DAZAP2: variants seen among roughly 807,000 people sequenced by gnomAD.
The protein encoded by DAZAP2 is DAZ associated protein 2, also known as DAZ-associated protein 2.
In DAZAP2, 3 loss-of-function variants were observed where a neutral mutation model predicts 16.2. The ratio of observed to expected loss-of-function variants is 0.19; its 90% CI spans 0.08 to 0.48. The LOEUF (loss-of-function observed/expected upper bound fraction) is 0.48. DAZAP2 is among the 20% of genes least tolerant of loss of function. DAZAP2 has a pLI of 0.98. For synonymous variants in DAZAP2, 69 were observed against 77.6 expected (o/e 0.89, Z 0.58); for missense variants, 172 against 215.9 (o/e 0.80, Z 1.27).
At chr12:51,241,331 T>G (rs1944673358) in intron 3 of DAZAP2, among the ~76,000 whole-genome samples, 1 of 152,162 alleles carries the variant, frequency 6.6e-6, no homozygotes, top group African/African-American at 2.4e-5. Context: ...TTCTTTTGTT[T>G]TCATGTCTGT....
downstream of DAZAP2, chr12:51,245,479 T>TC (rs1944755503): frequency 6.5e-6 from 1 of 154,528 alleles, no homozygotes; most frequent in Admixed American, 6.4e-5. Flanking sequence ...ATCTCCATAG[T>TC]CTCCTACCCC....
At chr12:51,240,585 C>T (rs1280262670) in intron 2 of DAZAP2, 124 bp downstream of exon 2, 9 of 1,036,968 alleles carry the variant, frequency 8.7e-6, no homozygotes, top group Non-Finnish European at 1.1e-5. Flanking sequence ...ATCTAAAACA[C>T]TATATAATTT....
chr12:51,239,251 CG>C, intron 1 of DAZAP2: 1 of 301,374 alleles, frequency 3.3e-6, no homozygotes, highest in Non-Finnish European at 6.2e-6. Flanking sequence ...CCGGCGGAGG[CG>C]GGGCGCCGCG....
chr12:51,240,763 T>G, intron 2 of DAZAP2, 108 bp from the exon 3 acceptor site: 1 of 1,459,024 alleles, frequency 6.9e-7, no homozygotes, highest in South Asian at 1.3e-5. Context: ...TGTATAATCT[T>G]ACAAAAAGTA....
intron 3 of DAZAP2, among the ~76,000 whole-genome samples, chr12:51,241,590 A>G (rs555821928): frequency 1.9e-4 from 29 of 152,212 alleles, no homozygotes; most frequent in Non-Finnish European, 3.5e-4. Context: ...TTAGAGCTCA[A>G]ATGACTGCTC....
chr12:51,245,387 A>G (rs1226423085), downstream of DAZAP2: 1 of 152,752 alleles, frequency 6.5e-6, no homozygotes, highest in East Asian at 1.9e-4. Context: ...TTGAATAAAA[A>G]TCACGTAAGC....
At chr12:51,239,052 AG>A (rs1468838610) in intron 1 of DAZAP2, 132 bp downstream of exon 1, 3 of 1,338,212 alleles carry the variant, frequency 2.2e-6, no homozygotes, top group Non-Finnish European at 3.0e-6. Context: ...GCTGCAGTCC[AG>A]GGCGCTGCGC....
intron 1 of DAZAP2, chr12:51,239,953 C>T (rs1324091928): frequency 5.0e-6 from 1 of 199,504 alleles, no homozygotes; most frequent in South Asian, 9.5e-5. Context: ...ACTGCTGTTA[C>T]CCACGAAGTC....
intron 3 of DAZAP2, 129 bp downstream of exon 3, chr12:51,241,245 A>G (rs1378979666): frequency 4.2e-6 from 6 of 1,415,144 alleles, no homozygotes; most frequent in Non-Finnish European, 5.7e-6. Flanking sequence ...GACATCCAAT[A>G]CTCAGGCAGA....
chr12:51,238,837 A>T lies in DAZAP2; in HGVS notation c.-71A>T. ...ACGGACCATCATGTGACACGGAAGT[A>T]GCTCCGAACAGGAAGAGGACGAAAA... On this transcript the variant is annotated 5_prime_UTR_variant, in exon 1 of 4. Transcript: ENST00000412716. 1 of 1,610,570 alleles carries T rather than the reference A, an allele frequency of 6.2e-7. No individual in the cohort carries two copies. Among genetic ancestry groups the T allele is most frequent in the Non-Finnish European group, 8.5e-7 (1 of 1,179,200 alleles).
chr12:51,242,974 C>T lies in DAZAP2; in HGVS notation c.*516C>T, dbSNP rs1444548722. 22 of 1,063,956 alleles carry T rather than the reference C, an allele frequency of 2.1e-5. No individual in the cohort carries two copies. The highest frequency in any genetic ancestry group is 1.6e-4 in the South Asian group (5 of 31,024). 65.9% of individuals were successfully genotyped at this position (1,063,956 alleles called of 1,614,324 possible). Reference sequence around the variant, plus strand: ...CCAACCCTAGTCTTCCATTTCCTCCCGCCAGTCTCCATTGAATCAATGGTG... The same window carrying T: ...CCAACCCTAGTCTTCCATTTCCTCCTGCCAGTCTCCATTGAATCAATGGTG... On this transcript the variant is annotated 3_prime_UTR_variant, in exon 4 of 4. Coordinates refer to ENST00000412716, the MANE Select transcript of DAZAP2 (RefSeq NM_014764.4).
chr12:51,241,692 C>A (rs1457749521), intron 3 of DAZAP2, among the ~76,000 whole-genome samples: 1 of 152,098 alleles, frequency 6.6e-6, no homozygotes, highest in Non-Finnish European at 1.5e-5. Flanking sequence ...GGGCGAAGCA[C>A]GGTGGCTCAC....
In DAZAP2 at chr12:51,240,437, C is replaced by T. The variant is rs750548316; in HGVS notation, c.108C>T (p.Thr36=). 6.2e-6 allele frequency: 10 copies of T among 1,613,920 alleles called. No homozygotes were observed. Among genetic ancestry groups the T allele is most frequent in the Middle Eastern group, 1.6e-4 (1 of 6,084 alleles). ...ATCTTCCTCAGGCTCCACCCTATAC[C>T]GATGCTCCACCTGCCTACTCAGAGG... ...TLHLPQAPPY[T]DAPPAYSELY... Residue 36 remains threonine (T), a synonymous_variant, in exon 2 of 4, where the codon ACC becomes ACT. Transcript: ENST00000412716.
At chr12:51,246,604 CTGTGTG>C (rs59561227), downstream of DAZAP2, 80 of 338,056 alleles carry the variant, frequency 2.4e-4, no homozygotes, top group South Asian at 3.2e-4. Flanking sequence ...TCTTTTATGG[CTGTGTG>C]TGTGTGTGTG....
Position 51,243,301 on chromosome 12 carries a change from T to G in DAZAP2, c.*843T>G, listed in dbSNP as rs1944714650. 4.1e-6 allele frequency: 4 copies of G among 985,702 alleles called. No homozygotes were observed. The highest frequency in any genetic ancestry group is 4.8e-6 in the Non-Finnish European group (4 of 829,952). The allele number at this position is 985,702 out of a possible 1,614,324, so 61.1% of individuals were successfully genotyped here. On this transcript the variant is annotated 3_prime_UTR_variant, in exon 4 of 4. Coordinates refer to ENST00000412716, the MANE Select transcript of DAZAP2 (RefSeq NM_014764.4). ...ACTGTGAACAACAGTTGGTTTAAAA[T>G]ATGAGGGGCAAGGAGGAGGATGCAT...
At chr12:51,240,815 AT>A in intron 2 of DAZAP2, 55 bp from the exon 3 acceptor site, 1 of 1,585,234 alleles carries the variant, frequency 6.3e-7, no homozygotes, top group Non-Finnish European at 8.6e-7. Flanking sequence ...CATTAAAGAG[AT>A]CTCAAATAGG....
intron 2 of DAZAP2, 125 bp downstream of exon 2, chr12:51,240,586 T>C (rs1367132778): frequency 1.9e-6 from 2 of 1,032,602 alleles, no homozygotes; most frequent in African/African-American, 1.6e-5. Context: ...TCTAAAACAC[T>C]ATATAATTTG....
Position 51,238,833 on chromosome 12 carries a change from A to C in DAZAP2, c.-75A>C, listed in dbSNP as rs1006225183. The C allele has an allele frequency of 1.1e-4, 182 of 1,609,782 alleles. 1 individual carries two copies. Among genetic ancestry groups the C allele is most frequent in the East Asian group, 1.8e-4 (8 of 44,826 alleles). On this transcript the variant is annotated 5_prime_UTR_variant, in exon 1 of 4. Coordinates refer to ENST00000412716, the MANE Select transcript of DAZAP2 (RefSeq NM_014764.4). ...GCGGACGGACCATCATGTGACACGGAAGTAGCTCCGAACAGGAAGAGGACG... is the reference window on the plus strand; with the variant it reads ...GCGGACGGACCATCATGTGACACGGCAGTAGCTCCGAACAGGAAGAGGACG...
chr12:51,241,139 A>G, intron 3 of DAZAP2, 23 bp downstream of exon 3: 2 of 1,610,060 alleles, frequency 1.2e-6, no homozygotes, highest in Non-Finnish European at 1.7e-6. Context: ...TCATCAGAAG[A>G]AACTCAGCCC....
Sources: allele counts gnomAD v4.1 joint callset (sites outside exome capture counted in the v4.1 genomes callset), GRCh38; gene constraint gnomAD v4.1.1; transcripts MANE v1.5; gene names NCBI Gene and HGNC (gene_info 2026-07-23, HGNC 2026-07-21).